NHS: variants seen among roughly 807,000 people sequenced by gnomAD.
NHS encodes NHS actin remodeling regulator, also known as actin remodeling regulator NHS.
Under a neutral mutation model 72.5 loss-of-function variants are expected in NHS, and 5 were observed. That is an observed-to-expected ratio of 0.07 (90% CI 0.04 to 0.14). The LOEUF is 0.14. Ranked by LOEUF, NHS falls within the 10% of genes least tolerant of loss-of-function variation. The pLI, the probability that NHS is intolerant of heterozygous loss-of-function variation, is 1.00. For synonymous variants in NHS, 464 were observed against 547.7 expected (o/e 0.85, Z 2.13); for missense variants, 1,072 against 1,355.7 (o/e 0.79, Z 3.29).
intron 1 of NHS, among the ~76,000 whole-genome samples, chrX:17,403,438 G>A (rs1296628550): frequency 2.7e-5 from 3 of 111,648 alleles, no homozygotes; most frequent in African/African-American, 9.8e-5. Context: ...GCTGAGAGCA[G>A]GGCTGGATCA....
In NHS at chrX:17,699,815, C is replaced by T. The variant is rs144725229; in HGVS notation, c.852+7347C>T. Among the ~76,000 whole-genome samples the T allele has an allele frequency of 6.3e-3, 705 of 111,992 alleles. 4 individuals are homozygous for T. The highest frequency in any genetic ancestry group is 0.02 in the African/African-American group (627 of 30,818). ...TAGAAGAAAATATGCATGAACTATT[C>T]TTTGACCTCAGTCCAGGGAAACACT... On this transcript the variant is annotated intron_variant, in intron 3 of 8. Transcript: ENST00000676302.
intron 1 of NHS, among the ~76,000 whole-genome samples, chrX:17,567,385 G>A (rs2065449954): frequency 8.9e-6 from 1 of 112,337 alleles, no homozygotes; most frequent in East Asian, 2.8e-4. Flanking sequence ...TGACCTAAAT[G>A]AGAAAGACAG....
chrX:17,718,831 AGAAGAAAGGAAGGAGGGAAG>A (rs1366523419), intron 3 of NHS, among the ~76,000 whole-genome samples: 1 of 88,356 alleles, frequency 1.1e-5, no homozygotes, highest in Non-Finnish European at 2.3e-5. Context: ...AGGAAGGGAA[AGAAGAAAGGAAGGAGGGAAG>A]GAAGAAAGGA....
chrX:17,662,354 C>G, intron 1 of NHS, among the ~76,000 whole-genome samples: 1 of 111,866 alleles, frequency 8.9e-6, no homozygotes. Context: ...CTACCCCTTA[C>G]AACATCCCCC....
At chrX:17,575,594 TTTA>T (rs760652915) in intron 1 of NHS, among the ~76,000 whole-genome samples, 1 of 112,020 alleles carries the variant, frequency 8.9e-6, no homozygotes, top group East Asian at 2.8e-4. Flanking sequence ...CTTCTCACAA[TTTA>T]TTAATAGAAG....
At chrX:17,681,212 C>T (rs997150400) in intron 1 of NHS, among the ~76,000 whole-genome samples, 1 of 111,983 alleles carries the variant, frequency 8.9e-6, no homozygotes, top group Admixed American at 9.5e-5. Flanking sequence ...CAAAAAGAAC[C>T]TTGGAGAGCT....
chrX:17,455,872 C>G, intron 1 of NHS, among the ~76,000 whole-genome samples: 1 of 111,404 alleles, frequency 9.0e-6, no homozygotes, highest in Middle Eastern at 4.6e-3. Context: ...TAAATGCCAC[C>G]ATGTTGCTAC....
In NHS at chrX:17,724,051, TTTTGA is replaced by T. The variant is rs1406887846; in HGVS notation, c.1109-244_1109-240del. Reference sequence around the variant, plus strand: ...TGGATGTCTTTTTCTCTTCTCTTTCTTTTGATTTTTCTTCTTTGCTTGTTTTTGTT... The same window carrying T: ...TGGATGTCTTTTTCTCTTCTCTTTCTTTTTTCTTCTTTGCTTGTTTTTGTT... On this transcript the variant is annotated intron_variant, in intron 5 of 8. Coordinates refer to ENST00000676302, the MANE Select transcript of NHS (RefSeq NM_001291867.2). 4.5e-5 allele frequency among the ~76,000 whole-genome samples: 5 copies of T among 112,040 alleles called. No individual in the cohort carries two copies. In the East Asian group the frequency reaches 1.4e-3, roughly 31 times the overall value.
intron 1 of NHS, among the ~76,000 whole-genome samples, chrX:17,614,345 C>A: frequency 9.0e-6 from 1 of 111,396 alleles, no homozygotes; most frequent in East Asian, 2.8e-4. Context: ...TTGCTTGAAG[C>A]CAAAACCAAT....
Position 17,376,100 on chromosome X carries a change from G to A in NHS, c.343G>A (p.Ala115Thr). The change falls in exon 1 of 9, where the codon GCG (alanine) becomes ACG (threonine). Residue 115 changes from alanine (A) to threonine (T), a missense_variant. Physicochemically the swap from Ala to Thr is moderately conservative, Grantham distance 58. Coordinates refer to ENST00000676302, the MANE Select transcript of NHS (RefSeq NM_001291867.2). The part of the protein sequence containing the change: ...AAGEASSAAA[A>T]AAVLLMLDLC... ...CGGCGAGGCGTCCTCGGCGGCGGCG[G>A]CGGCGGCCGTGCTGCTCATGCTGGA... 9.2e-7 allele frequency: 1 copy of A among 1,092,760 alleles called. No homozygotes were observed. The highest frequency in any genetic ancestry group is 3.3e-4 in the Middle Eastern group (1 of 3,022). 90.1% of individuals were successfully genotyped at this position (1,092,760 alleles called of 1,213,427 possible).
At chrX:17,494,622 C>G (rs910347718) in intron 1 of NHS, among the ~76,000 whole-genome samples, 10 of 111,640 alleles carry the variant, frequency 9.0e-5, no homozygotes, top group Admixed American at 1.9e-4. Flanking sequence ...CTGGGATATC[C>G]TTCTCCCTAT....
chrX:17,723,770 T>TGTGTGTGTGG (rs541219770), intron 5 of NHS, among the ~76,000 whole-genome samples: 1 of 91,337 alleles, frequency 1.1e-5, no homozygotes, highest in Non-Finnish European at 2.1e-5. Context: ...TGTGTGTGTG[T>TGTGTGTGTGG]GCGCGCGCGT....
intron 3 of NHS, among the ~76,000 whole-genome samples, chrX:17,709,670 A>C (rs976680404): frequency 4.5e-5 from 5 of 111,801 alleles, no homozygotes; most frequent in African/African-American, 1.6e-4. Flanking sequence ...GAGGAATGGA[A>C]GGAAGGGGTT....
intron 1 of NHS, among the ~76,000 whole-genome samples, chrX:17,397,541 CG>C (rs2064482772): frequency 9.0e-6 from 1 of 110,652 alleles, no homozygotes; most frequent in Non-Finnish European, 1.9e-5. Flanking sequence ...AGGAGATAAC[CG>C]GGGTTGCTTT....
chrX:17,574,493 G>A, intron 1 of NHS, among the ~76,000 whole-genome samples: 1 of 112,567 alleles, frequency 8.9e-6, no homozygotes, highest in East Asian at 2.8e-4. Flanking sequence ...CCATGGGCAT[G>A]GGACCCACCG....
intron 1 of NHS, among the ~76,000 whole-genome samples, chrX:17,622,454 G>C (rs2065778602): frequency 8.9e-6 from 1 of 112,054 alleles, no homozygotes; most frequent in Admixed American, 9.5e-5. Flanking sequence ...TCTGCCAACT[G>C]CCTGTGGTGG....
intron 1 of NHS, among the ~76,000 whole-genome samples, chrX:17,554,767 C>G (rs1601766781): frequency 8.9e-6 from 1 of 112,311 alleles, no homozygotes; most frequent in African/African-American, 3.2e-5. Context: ...GTATTTGTCT[C>G]CAAGAGTGTG....
At chrX:17,389,872 G>A (rs2064433934) in intron 1 of NHS, among the ~76,000 whole-genome samples, 2 of 109,992 alleles carry the variant, frequency 1.8e-5, no homozygotes, top group South Asian at 7.6e-4. Context: ...AAAGTGCTGG[G>A]ATTACAGGCG....
At chrX:17,658,793 G>A (rs1380546361) in intron 1 of NHS, among the ~76,000 whole-genome samples, 1 of 111,669 alleles carries the variant, frequency 9.0e-6, no homozygotes, top group Non-Finnish European at 1.9e-5. Context: ...GGCTTGGCTC[G>A]ACCTGTACCA....
Sources: allele counts gnomAD v4.1 joint callset (sites outside exome capture counted in the v4.1 genomes callset), GRCh38; gene constraint gnomAD v4.1.1; transcripts MANE v1.5; gene names NCBI Gene and HGNC (gene_info 2026-07-23, HGNC 2026-07-21).